The following EIF2S1 variants were observed in gnomAD, a reference collection of about 807,000 sequenced individuals.
The protein encoded by EIF2S1 is eukaryotic translation initiation factor 2 subunit 1.
A neutral mutation model predicts 33.5 loss-of-function variants in EIF2S1; 5 were observed. The ratio of observed to expected loss-of-function variants is 0.15; its 90% CI spans 0.08 to 0.31. The LOEUF (loss-of-function observed/expected upper bound fraction) is 0.31. Ranked by LOEUF, EIF2S1 falls within the 10% of genes least tolerant of loss-of-function variation. The pLI is 1.00. For missense variants in EIF2S1, 191 were observed against 384.6 expected (o/e 0.50, Z 4.21); for synonymous variants, 99 against 127.5 (o/e 0.78, Z 1.51).
chr14:67,370,812 G>A (rs1191605056), intron 2 of EIF2S1, among the ~76,000 whole-genome samples: 1 of 152,130 alleles, frequency 6.6e-6, no homozygotes, highest in Non-Finnish European at 1.5e-5. Context: ...GATTGCTTGA[G>A]CCCAGGAGTT....
chr14:67,370,582 A>G (rs951176209), intron 2 of EIF2S1, among the ~76,000 whole-genome samples: 15 of 152,232 alleles, frequency 9.9e-5, no homozygotes, highest in Non-Finnish European at 1.3e-4. Flanking sequence ...ATCATTACCA[A>G]TTTTATGCCA....
At chr14:67,363,631 T>G (rs574203399) in intron 1 of EIF2S1, among the ~76,000 whole-genome samples, 1 of 152,302 alleles carries the variant, frequency 6.6e-6, no homozygotes, top group Non-Finnish European at 1.5e-5. Flanking sequence ...CTTCAGTTTT[T>G]TAATCTATAA....
Position 67,383,398 on chromosome 14 carries a change from AGAT to A in EIF2S1, c.914_916del (p.Asp305del). ...AAAGAGAAAATGCCGAAGTGGATGG[AGAT>A]GATGATGCAGAAGAAATGGAAGCCA... On this transcript the variant is annotated inframe_deletion, in exon 8 of 8. Coordinates refer to ENST00000256383, the MANE Select transcript of EIF2S1 (RefSeq NM_004094.5). 1 of 1,613,662 alleles carries A rather than the reference AGAT, an allele frequency of 6.2e-7. No individual in the cohort carries two copies. The highest frequency in any genetic ancestry group is 8.5e-7 in the Non-Finnish European group (1 of 1,179,694).
chr14:67,380,973 T>G (rs1441133558), intron 5 of EIF2S1, among the ~76,000 whole-genome samples: 1 of 152,176 alleles, frequency 6.6e-6, no homozygotes. Context: ...GTCTTGTGAG[T>G]TCAGCTAACC....
chr14:67,374,767 G>T (rs982143509), intron 3 of EIF2S1: 8 of 358,844 alleles, frequency 2.2e-5, no homozygotes, highest in African/African-American at 1.3e-4. Context: ...AAAATACGGG[G>T]TTTTTTTGTT....
intron 2 of EIF2S1, among the ~76,000 whole-genome samples, chr14:67,368,504 T>C (rs1465984840): frequency 6.6e-6 from 1 of 152,038 alleles, no homozygotes; most frequent in African/African-American, 2.4e-5. Context: ...TAATAAAATA[T>C]ATAGTTAATA....
chr14:67,381,270 A>T (rs559487327), intron 5 of EIF2S1, among the ~76,000 whole-genome samples: 4 of 152,244 alleles, frequency 2.6e-5, no homozygotes, highest in Admixed American at 2.6e-4. Flanking sequence ...TTACAAAAAA[A>T]TGCTACAAAT....
At chr14:67,366,103 A>G (rs73284892) in intron 2 of EIF2S1, among the ~76,000 whole-genome samples, 46,722 of 149,668 alleles carry the variant, frequency 0.31, 11,120 homozygotes, top group African/African-American at 0.64. Context: ...TTTTTTAAGA[A>G]TTGGGGTCTT....
rs545882515 is a variant in EIF2S1, at chr14:67,361,640, C to T, written c.-2+1184C>T. On this transcript the variant is annotated intron_variant, in intron 1 of 7. Transcript: ENST00000256383. The stretch of plus-strand genomic sequence containing the variant: ...GCACTGTTTTGAGAAAGAAGTCCTA[C>T]CTACCATTTGTCATGCAAAATAACT... Among the ~76,000 whole-genome samples, 27 of 152,310 alleles carry T rather than the reference C, an allele frequency of 1.8e-4. 1 individual carries two copies. Among genetic ancestry groups the T allele is most frequent in the Middle Eastern group, 3.4e-3 (1 of 294 alleles).
chr14:67,380,600 T>TA, intron 4 of EIF2S1, 59 bp from the exon 5 acceptor site: 2 of 946,972 alleles, frequency 2.1e-6, no homozygotes, highest in Non-Finnish European at 3.1e-6. Flanking sequence ...AGTGTTTGGT[T>TA]TCACATTTAT....
chr14:67,365,128 T>G, intron 2 of EIF2S1, 120 bp downstream of exon 2: 2 of 1,081,110 alleles, frequency 1.8e-6, no homozygotes, highest in Non-Finnish European at 2.5e-6. Context: ...TACTTAAACC[T>G]TTTACATACA....
chr14:67,360,504 G>T (rs868060191), intron 1 of EIF2S1, 48 bp downstream of exon 1: 1 of 318,648 alleles, frequency 3.1e-6, no homozygotes. Flanking sequence ...TTTGGTTTGT[G>T]TCCAGTGACA....
chr14:67,374,787 A>C (rs113853481), intron 3 of EIF2S1: 4 of 335,454 alleles, frequency 1.2e-5, no homozygotes, highest in African/African-American at 4.2e-5. Context: ...TTGTTTAAAT[A>C]GAAATGAGGT....
intron 2 of EIF2S1, among the ~76,000 whole-genome samples, chr14:67,373,998 T>C (rs1319146941): frequency 2.0e-5 from 3 of 152,126 alleles, no homozygotes; most frequent in Non-Finnish European, 4.4e-5. Flanking sequence ...ATTTGGATAA[T>C]TGAAAATTAT....
At position 67,376,571 on chromosome 14, in the gene EIF2S1, G is replaced by A; in HGVS notation, c.454G>A (p.Ala152Thr). The A allele has an allele frequency of 6.2e-7, 1 of 1,613,836 alleles. No homozygotes were observed. Among genetic ancestry groups the A allele is most frequent in the East Asian group, 2.2e-5 (1 of 44,866 alleles). Residue 152 changes from alanine to threonine, a missense_variant, in exon 4 of 8, where the codon GCA becomes ACA. Physicochemically the swap from Ala to Thr is moderately conservative, Grantham distance 58. Transcript: ENST00000256383. Reference sequence around the variant, plus strand: ...GAGACCTGGATATGGTGCCTATGATGCATTTAAGCATGCAGTCTCGTAAGA... The same window carrying A: ...GAGACCTGGATATGGTGCCTATGATACATTTAAGCATGCAGTCTCGTAAGA... ...YKRPGYGAYDAFKHAVSDPSI... is the reference protein window; with the variant it reads ...YKRPGYGAYDTFKHAVSDPSI...
At chr14:67,381,440 G>A (rs949499359) in intron 5 of EIF2S1, among the ~76,000 whole-genome samples, 153 bp from the exon 6 acceptor site, 3 of 152,116 alleles carry the variant, frequency 2.0e-5, no homozygotes, top group Non-Finnish European at 4.4e-5. Context: ...ACTCCTCCTT[G>A]CCTCCCTTTT....
rs373197062 is a variant in EIF2S1 at position 67,384,784 on chromosome 14, G to A, written c.*1344G>A. 6.6e-6 allele frequency: 1 copy of A among 152,188 alleles called. No individual in the cohort carries two copies. The highest frequency in any genetic ancestry group is 1.9e-4 in the East Asian group (1 of 5,204). The allele number at this position is 152,188 out of a possible 1,614,324, so 9.4% of individuals were successfully genotyped here. A position where few individuals can be genotyped will look rare whatever the true frequency, so the allele number is the denominator to read the frequency against. ...TTAACTTCCAGTGGCTGGTTTCTGA[G>A]AGAGTGCCATGATTGCTAGCCAGCA... On this transcript the variant is annotated 3_prime_UTR_variant, in exon 8 of 8. Coordinates refer to ENST00000256383, the MANE Select transcript of EIF2S1 (RefSeq NM_004094.5).
At chr14:67,361,076 T>TA (rs1422284193) in intron 1 of EIF2S1, among the ~76,000 whole-genome samples, 3 of 152,198 alleles carry the variant, frequency 2.0e-5, no homozygotes, top group African/African-American at 4.8e-5. Context: ...ACAATGAGAA[T>TA]AGAACTGTGT....
intron 3 of EIF2S1, 44 bp downstream of exon 3, chr14:67,374,591 T>A: frequency 7.6e-7 from 1 of 1,308,592 alleles, no homozygotes; most frequent in Non-Finnish European, 1.1e-6. Context: ...TCTGTGTGTT[T>A]AATAAATAAT....
Sources: gnomAD v4.1 joint callset for allele counts (sites outside exome capture counted in the v4.1 genomes callset) on GRCh38, gnomAD v4.1.1 for gene constraint, MANE v1.5 for transcripts, NCBI Gene and HGNC (gene_info 2026-07-23, HGNC 2026-07-21) for gene names.